DDC: variants seen among roughly 807,000 people sequenced by gnomAD.
DDC encodes aromatic-L-amino-acid decarboxylase.
Under a neutral mutation model 60.0 loss-of-function variants are expected in DDC, and 43 were observed. That is an observed-to-expected ratio of 0.72 (90% CI 0.56 to 0.92). The LOEUF (loss-of-function observed/expected upper bound fraction) is 0.92. Ranked by LOEUF, DDC falls within the 40% of genes least tolerant of loss-of-function variation. DDC has a pLI of 0.00. For missense variants in DDC, 573 were observed against 620.2 expected (o/e 0.92, Z 0.81); for synonymous variants, 232 against 234.6 (o/e 0.99, Z 0.10).
intron 1 of DDC, among the ~76,000 whole-genome samples, chr7:50,552,446 G>T (rs1469373057): frequency 6.6e-6 from 1 of 152,184 alleles, no homozygotes; most frequent in Non-Finnish European, 1.5e-5. Context: ...CATTGCCTGT[G>T]CACGGTGAGC....
At chr7:50,466,262 G>T (rs1273458316) in intron 13 of DDC, among the ~76,000 whole-genome samples, 1 of 152,100 alleles carries the variant, frequency 6.6e-6, no homozygotes, top group African/African-American at 2.4e-5. Context: ...GGCTGAGGCG[G>T]GTGGATCACG....
intron 11 of DDC, among the ~76,000 whole-genome samples, chr7:50,475,447 A>G (rs190111654): frequency 1.4e-4 from 21 of 151,978 alleles, no homozygotes; most frequent in Admixed American, 3.3e-4. Context: ...AACTTTGCCA[A>G]AACTGTCCTA....
Position 50,562,669 on chromosome 7 carries a change from CTG to C in DDC, c.-29+2614_-29+2615del, listed in dbSNP as rs374698327. Among the ~76,000 whole-genome samples the C allele has an allele frequency of 6.6e-5, 10 of 152,358 alleles. No homozygotes were observed. The South Asian group carries it at 1.2e-3, about 19-fold the overall frequency. On this transcript the variant is annotated intron_variant, in intron 1 of 14. Transcript: ENST00000444124. ...GGAGCTTGGGGGCTGCAGTGGGTGA[CTG>C]AGCACAGGGCTCCTACAGGGCGGAG...
intron 1 of DDC, among the ~76,000 whole-genome samples, chr7:50,549,105 A>G (rs138454892): frequency 2.6e-5 from 4 of 152,378 alleles, no homozygotes; most frequent in Middle Eastern, 3.4e-3. Flanking sequence ...ATTCCTTTCA[A>G]AAATATTACT....
At chr7:50,476,894 G>A (rs974109386) in intron 10 of DDC, among the ~76,000 whole-genome samples, 10 of 152,134 alleles carry the variant, frequency 6.6e-5, no homozygotes, top group Non-Finnish European at 1.2e-4. Flanking sequence ...CATTAGTTTT[G>A]CTTTCTGCAG....
At chr7:50,546,751 T>C (rs2044819921) in intron 1 of DDC, among the ~76,000 whole-genome samples, 1 of 152,262 alleles carries the variant, frequency 6.6e-6, no homozygotes. Context: ...AAGCTATTGT[T>C]TGAGGATGCA....
At chr7:50,509,467 C>T (rs953277983) in intron 6 of DDC, among the ~76,000 whole-genome samples, 13 of 152,244 alleles carry the variant, frequency 8.5e-5, no homozygotes, top group Admixed American at 2.6e-4. Context: ...CAGCACATCT[C>T]CCTCGGCCCA....
intron 9 of DDC, among the ~76,000 whole-genome samples, chr7:50,484,064 C>G (rs2042829606): frequency 6.6e-6 from 1 of 152,112 alleles, no homozygotes; most frequent in South Asian, 2.1e-4. Flanking sequence ...TGTTTATGGG[C>G]AATTCTTGGC....
chr7:50,502,656 C>T (rs2043287742), intron 7 of DDC, among the ~76,000 whole-genome samples: 1 of 152,230 alleles, frequency 6.6e-6, no homozygotes, highest in Non-Finnish European at 1.5e-5. Flanking sequence ...CTGTGTGCCA[C>T]AGAGCATAAA....
chr7:50,509,610 G>C (rs2043493827), intron 6 of DDC, among the ~76,000 whole-genome samples: 1 of 152,082 alleles, frequency 6.6e-6, no homozygotes, highest in Non-Finnish European at 1.5e-5. Context: ...AGACACTCTA[G>C]TAAATAAACT....
intron 12 of DDC, among the ~76,000 whole-genome samples, chr7:50,469,463 G>A (rs2042480845): frequency 6.6e-6 from 1 of 152,102 alleles, no homozygotes; most frequent in Non-Finnish European, 1.5e-5. Flanking sequence ...TTTTGGGGGA[G>A]AAAAACACAG....
chr7:50,555,196 G>A (rs73125208), intron 1 of DDC, among the ~76,000 whole-genome samples: 13,480 of 152,016 alleles, frequency 0.089, 918 homozygotes, highest in South Asian at 0.14. Context: ...CTGCCTTCGA[G>A]CCTCCCACTA....
chr7:50,509,750 A>C (rs997227933), intron 6 of DDC, among the ~76,000 whole-genome samples: 1 of 152,228 alleles, frequency 6.6e-6, no homozygotes, highest in African/African-American at 2.4e-5. Context: ...AGTAGAAGTC[A>C]CTATTTTAAC....
intron 9 of DDC, among the ~76,000 whole-genome samples, chr7:50,494,290 G>GA (rs1380486273): frequency 3.9e-5 from 6 of 152,202 alleles, no homozygotes; most frequent in Admixed American, 1.3e-4. Flanking sequence ...GGTGGATCAT[G>GA]AGGTCAGGAG....
At chr7:50,478,488 T>A (rs954480535) in intron 10 of DDC, among the ~76,000 whole-genome samples, 2 of 152,198 alleles carry the variant, frequency 1.3e-5, no homozygotes, top group Admixed American at 1.3e-4. Flanking sequence ...TTGCAGAAAC[T>A]TCTACAGGAA....
chr7:50,523,758 C>G (rs142494077), intron 6 of DDC, among the ~76,000 whole-genome samples: 109 of 152,320 alleles, frequency 7.2e-4, no homozygotes, highest in Middle Eastern at 6.8e-3. Context: ...CACAGTTCAG[C>G]CTTTCCTTAT....
intron 9 of DDC, among the ~76,000 whole-genome samples, chr7:50,491,020 C>T (rs557944443): frequency 6.6e-6 from 1 of 152,254 alleles, no homozygotes; most frequent in Admixed American, 6.5e-5. Context: ...TTATTTTCTA[C>T]AATTTGGGCT....
chr7:50,473,744 C>T (rs1585146853), intron 11 of DDC, among the ~76,000 whole-genome samples: 1 of 152,364 alleles, frequency 6.6e-6, no homozygotes, highest in East Asian at 1.9e-4. Flanking sequence ...TGCCAGGGAT[C>T]TCAGCATCAT....
chr7:50,499,927 T>G (rs1231107046), intron 7 of DDC, among the ~76,000 whole-genome samples: 1 of 152,124 alleles, frequency 6.6e-6, no homozygotes, highest in Non-Finnish European at 1.5e-5. Context: ...TATCTACTTC[T>G]CCAAGCCTCA....
Sources: gnomAD v4.1 joint callset for allele counts (sites outside exome capture counted in the v4.1 genomes callset) on GRCh38, gnomAD v4.1.1 for gene constraint, MANE v1.5 for transcripts, NCBI Gene and HGNC (gene_info 2026-07-23, HGNC 2026-07-21) for gene names.